Variants in IMMP2L observed in about 807,000 individuals in gnomAD.
IMMP2L encodes mitochondrial inner membrane protease subunit 2.
In IMMP2L, 18 loss-of-function variants were observed where a neutral mutation model predicts 19.3. The observed-to-expected ratio is 0.93, with a 90% confidence interval of 0.64 to 1.38. The LOEUF is 1.38. Ranked by LOEUF, IMMP2L falls within the 40% of genes most tolerant of loss-of-function variation. The pLI, the probability that IMMP2L is intolerant of heterozygous loss-of-function variation, is 0.00. For synonymous variants in IMMP2L, 76 were observed against 73.0 expected (o/e 1.04, Z -0.21); for missense variants, 233 against 218.2 (o/e 1.07, Z -0.43).
At chr7:111,144,193 T>C (rs1480943469) in intron 3 of IMMP2L, among the ~76,000 whole-genome samples, 2 of 152,160 alleles carry the variant, frequency 1.3e-5, no homozygotes, top group African/African-American at 4.8e-5. Context: ...AGTAACATAA[T>C]GTGCCAGAGT....
chr7:111,074,087 C>A (rs922894439), intron 3 of IMMP2L, among the ~76,000 whole-genome samples: 3 of 152,146 alleles, frequency 2.0e-5, no homozygotes, highest in African/African-American at 7.2e-5. Context: ...GACTATTGAA[C>A]TACATGCTCA....
At chr7:110,691,848 C>T (rs1793530571) in intron 5 of IMMP2L, among the ~76,000 whole-genome samples, 1 of 152,112 alleles carries the variant, frequency 6.6e-6, no homozygotes, top group Admixed American at 6.5e-5. Context: ...TGCTTATCAA[C>T]TGATAGTGGG....
At chr7:110,741,455 C>T (rs1440638824) in intron 5 of IMMP2L, among the ~76,000 whole-genome samples, 1 of 152,128 alleles carries the variant, frequency 6.6e-6, no homozygotes, top group Non-Finnish European at 1.5e-5. Context: ...ATGATTAGTG[C>T]CCTTATAGAA....
At chr7:110,687,347 G>A (rs1793186789) in intron 5 of IMMP2L, among the ~76,000 whole-genome samples, 1 of 151,888 alleles carries the variant, frequency 6.6e-6, no homozygotes, top group Non-Finnish European at 1.5e-5. Context: ...TTATTTATAT[G>A]TGCTATCTTC....
At chr7:111,116,017 G>A (rs1017341193) in intron 3 of IMMP2L, among the ~76,000 whole-genome samples, 4 of 152,090 alleles carry the variant, frequency 2.6e-5, no homozygotes, top group Non-Finnish European at 4.4e-5. Flanking sequence ...TGTAGCACAA[G>A]CCTCAATTCT....
intron 5 of IMMP2L, 23 bp from the exon 6 acceptor site, chr7:110,663,744 GA>G: frequency 6.6e-7 from 1 of 1,517,172 alleles, no homozygotes; most frequent in Non-Finnish European, 8.9e-7. Flanking sequence ...GAAACAGAAA[GA>G]AAGCAATAAA....
intron 5 of IMMP2L, among the ~76,000 whole-genome samples, chr7:110,734,774 G>A (rs1357723075): frequency 3.9e-5 from 6 of 152,132 alleles, no homozygotes; most frequent in Admixed American, 3.3e-4. Context: ...TCAAGTTGCT[G>A]GCACAAATAA....
chr7:111,280,992 C>G lies in IMMP2L; in HGVS notation c.239+206246G>C, dbSNP rs189899849. 5.4e-4 allele frequency among the ~76,000 whole-genome samples: 82 copies of G among 151,740 alleles called. No homozygotes were observed. In the East Asian group the frequency reaches 0.015, roughly 28 times the overall value. On this transcript the variant is annotated intron_variant, in intron 3 of 5. Transcript: ENST00000405709. ...GGCTGAGGTAGGAGAATGGCGTGAACCCAGTAGGCAGAGCTTGCTGTGAGT... is the reference window on the plus strand; with the variant it reads ...GGCTGAGGTAGGAGAATGGCGTGAAGCCAGTAGGCAGAGCTTGCTGTGAGT...
chr7:111,526,733 CTG>C (rs1846899837), intron 1 of IMMP2L, among the ~76,000 whole-genome samples: 1 of 152,142 alleles, frequency 6.6e-6, no homozygotes, highest in East Asian at 1.9e-4. Context: ...CTGGAAAGTT[CTG>C]TCAAATATTC....
intron 1 of IMMP2L, among the ~76,000 whole-genome samples, chr7:111,546,494 G>A (rs909139980): frequency 2.6e-5 from 4 of 151,818 alleles, no homozygotes; most frequent in Non-Finnish European, 4.4e-5. Context: ...TGAGTTGTTC[G>A]TGCTCTTTAT....
chr7:111,404,170 A>C (rs988342266), intron 3 of IMMP2L, among the ~76,000 whole-genome samples: 7 of 152,146 alleles, frequency 4.6e-5, no homozygotes, highest in African/African-American at 1.7e-4. Flanking sequence ...TTTTGGAGTA[A>C]AAAGGATGTA....
At chr7:111,390,759 A>G (rs1371857779) in intron 3 of IMMP2L, 1 of 152,182 alleles carries the variant, frequency 6.6e-6, no homozygotes, top group Non-Finnish European at 1.5e-5. Flanking sequence ...AGCAAATGTG[A>G]ATTTCCGACT....
chr7:111,031,414 A>C (rs1319973552), intron 3 of IMMP2L, among the ~76,000 whole-genome samples: 1 of 52,252 alleles, frequency 1.9e-5, no homozygotes, highest in Non-Finnish European at 4.6e-5. Context: ...GTGTGAGAGA[A>C]AGAGAAATCC....
chr7:110,882,921 G>A (rs751662249), intron 5 of IMMP2L, among the ~76,000 whole-genome samples: 10 of 151,902 alleles, frequency 6.6e-5, no homozygotes, highest in Non-Finnish European at 1.5e-4. Flanking sequence ...TATTTCTCCT[G>A]ACGCATCCCA....
At chr7:110,981,812 C>A (rs981979944) in intron 3 of IMMP2L, among the ~76,000 whole-genome samples, 22 of 152,170 alleles carry the variant, frequency 1.4e-4, no homozygotes, top group African/African-American at 5.3e-4. Context: ...CTGCTGCCTT[C>A]CTTATTTTTG....
intron 3 of IMMP2L, among the ~76,000 whole-genome samples, chr7:111,243,120 T>C (rs181206911): frequency 2.6e-5 from 4 of 152,240 alleles, no homozygotes; most frequent in South Asian, 2.1e-4. Context: ...TAAAGAGTAG[T>C]TGTTTTGAGA....
At chr7:111,277,469 G>A (rs1347618096) in intron 3 of IMMP2L, among the ~76,000 whole-genome samples, 4 of 151,714 alleles carry the variant, frequency 2.6e-5, no homozygotes, top group Admixed American at 2.0e-4. Context: ...GGTGGCTGAG[G>A]CACAAGAACT....
intron 3 of IMMP2L, among the ~76,000 whole-genome samples, chr7:111,476,017 T>C (rs1376536908): frequency 6.6e-6 from 1 of 152,194 alleles, no homozygotes; most frequent in Non-Finnish European, 1.5e-5. Context: ...GAGGGATTAA[T>C]TCTTATGTTG....
chr7:110,676,322 G>A (rs1025764459), intron 5 of IMMP2L, among the ~76,000 whole-genome samples: 1 of 152,224 alleles, frequency 6.6e-6, no homozygotes, highest in Non-Finnish European at 1.5e-5. Flanking sequence ...AACAGGCATG[G>A]ACAATATGTT....
Sources: allele counts gnomAD v4.1 joint callset (sites outside exome capture counted in the v4.1 genomes callset), GRCh38; gene constraint gnomAD v4.1.1; transcripts MANE v1.5; gene names NCBI Gene and HGNC (gene_info 2026-07-23, HGNC 2026-07-21).